DOCK7: variants seen among roughly 807,000 people sequenced by gnomAD.
The protein encoded by DOCK7 is dedicator of cytokinesis protein 7.
Under a neutral mutation model 271.0 loss-of-function variants are expected in DOCK7, and 138 were observed. That is an observed-to-expected ratio of 0.51 (90% confidence interval 0.44 to 0.59). The LOEUF is 0.59. Among genes scored for constraint, DOCK7 ranks in the 20% least tolerant of loss-of-function variants. The pLI is 0.00. For missense variants in DOCK7, 2,066 were observed against 2,592.4 expected (o/e 0.80, Z 4.41); for synonymous variants, 823 against 876.1 (o/e 0.94, Z 1.07).
intron 18 of DOCK7, among the ~76,000 whole-genome samples, chr1:62,563,863 CAAAAAAAAAAAAAAAAAAAAAA>C (rs71045848): frequency 7.0e-4 from 27 of 38,838 alleles, no homozygotes; most frequent in African/African-American, 2.7e-3. Context: ...ATTTACCAAG[CAAAAAAAAAAAAAAAAAAAAAA>C]AAAAAAAAAA....
At chr1:62,613,010 A>G (rs1651985158) in intron 14 of DOCK7, among the ~76,000 whole-genome samples, 2 of 152,228 alleles carry the variant, frequency 1.3e-5, no homozygotes. Flanking sequence ...TGCTCAATTA[A>G]TGTACCTTGA....
At chr1:62,553,138 A>C (rs898569922) in intron 21 of DOCK7, among the ~76,000 whole-genome samples, 1 of 143,668 alleles carries the variant, frequency 7.0e-6, no homozygotes, top group African/African-American at 2.6e-5. Flanking sequence ...GGGTTCAAGC[A>C]ATTCTCCTGC....
chr1:62,601,291 T>C (rs1650082084), intron 14 of DOCK7: 2 of 887,292 alleles, frequency 2.3e-6, no homozygotes, highest in African/African-American at 1.7e-5. Flanking sequence ...TTAAGAGATA[T>C]CCATCAAATA....
chr1:62,532,161 A>C (rs1305948409), intron 29 of DOCK7, among the ~76,000 whole-genome samples: 1 of 152,106 alleles, frequency 6.6e-6, no homozygotes, highest in East Asian at 1.9e-4. Context: ...CAGCCTCCCG[A>C]GTAGCTGGGA....
chr1:62,688,331 G>T lies in DOCK7; in HGVS notation c.-67C>A. On this transcript the variant is annotated 5_prime_UTR_variant, in exon 1 of 50. Coordinates refer to ENST00000635253, the MANE Select transcript of DOCK7 (RefSeq NM_001367561.1). ...GCCGGGTGCGGACCGGCGGGCGCGT[G>T]CCTCCTCGCTCGTGCTCCCTCCCTC... 2 of 1,076,726 alleles carry T rather than the reference G, an allele frequency of 1.9e-6. No homozygotes were observed. The highest frequency in any genetic ancestry group is 2.3e-6 in the Non-Finnish European group (2 of 860,814). The allele number at this position is 1,076,726 out of a possible 1,614,324, so 66.7% of individuals were successfully genotyped here.
chr1:62,571,968 AG>A (rs1464985572), intron 18 of DOCK7, among the ~76,000 whole-genome samples: 2 of 152,156 alleles, frequency 1.3e-5, no homozygotes, highest in African/African-American at 4.8e-5. Context: ...CTTAATACTT[AG>A]GTGATGGGTT....
chr1:62,594,965 T>C (rs1466848429), intron 14 of DOCK7, among the ~76,000 whole-genome samples: 1 of 152,210 alleles, frequency 6.6e-6, no homozygotes, highest in African/African-American at 2.4e-5. Flanking sequence ...ACTGTAACTT[T>C]TCTATTTAAA....
intron 18 of DOCK7, among the ~76,000 whole-genome samples, chr1:62,563,462 T>C (rs1357188670): frequency 6.6e-6 from 1 of 152,066 alleles, no homozygotes; most frequent in South Asian, 2.1e-4. Context: ...GCAGGTATCA[T>C]TAAAAATGTT....
At chr1:62,534,835 G>A (rs1364281542) in intron 29 of DOCK7, among the ~76,000 whole-genome samples, 2 of 152,092 alleles carry the variant, frequency 1.3e-5, no homozygotes, top group African/African-American at 4.8e-5. Flanking sequence ...GCTCACACCT[G>A]TAATCCCAGC....
chr1:62,625,155 G>C, intron 12 of DOCK7, 104 bp downstream of exon 12: 2 of 1,001,530 alleles, frequency 2.0e-6, no homozygotes, highest in Non-Finnish European at 2.8e-6. Context: ...TAAGTTTCTT[G>C]GAATCACCCT....
intron 49 of DOCK7, 96 bp downstream of exon 49, chr1:62,457,442 G>A: frequency 7.9e-7 from 1 of 1,266,312 alleles, no homozygotes; most frequent in Non-Finnish European, 1.1e-6. Flanking sequence ...AAGCTTTTCG[G>A]ATGACAGATG....
intron 10 of DOCK7, among the ~76,000 whole-genome samples, chr1:62,632,648 C>A (rs1023371567): frequency 2.6e-5 from 4 of 152,128 alleles, no homozygotes; most frequent in Admixed American, 1.3e-4. Flanking sequence ...TATCAATTAT[C>A]CAACTTTTTT....
chr1:62,558,005 T>C (rs1344334513), intron 20 of DOCK7, among the ~76,000 whole-genome samples: 2 of 152,106 alleles, frequency 1.3e-5, no homozygotes, highest in African/African-American at 2.4e-5. Flanking sequence ...CTAGTCAAAC[T>C]TGGTCATGTT....
At chr1:62,662,446 C>A (rs1270594865) in intron 2 of DOCK7, among the ~76,000 whole-genome samples, 2 of 152,116 alleles carry the variant, frequency 1.3e-5, no homozygotes, top group African/African-American at 4.8e-5. Context: ...TAAATTTTCA[C>A]ATAATGAATC....
chr1:62,534,921 T>C (rs1052846776), intron 29 of DOCK7, among the ~76,000 whole-genome samples: 3 of 152,112 alleles, frequency 2.0e-5, no homozygotes, highest in Admixed American at 2.0e-4. Flanking sequence ...TGAAACCCCA[T>C]CTCTACTACA....
intron 20 of DOCK7, among the ~76,000 whole-genome samples, chr1:62,558,122 T>C (rs879375390): frequency 6.6e-6 from 1 of 152,170 alleles, no homozygotes; most frequent in Non-Finnish European, 1.5e-5. Flanking sequence ...ACTCTCCATA[T>C]TACCTCTAAT....
Position 62,535,591 on chromosome 1 carries a change from T to G in DOCK7, c.3513A>C (p.Ala1171=). 6.2e-7 allele frequency: 1 copy of G among 1,614,014 alleles called. No homozygotes were observed. The highest frequency in any genetic ancestry group is 8.5e-7 in the Non-Finnish European group (1 of 1,179,954). The change falls in exon 29 of 50, where the codon GCA becomes GCC. Residue 1171 remains alanine, a synonymous_variant. Transcript: ENST00000635253. ...AAGGCACGGATAATTCAAACATATT[T>G]GCAATCTTTTGGTCTTGTACATTCG... The part of the protein sequence containing the change: ...FSTNVQDQKI[A]NMFELSVPFR...
At chr1:62,641,548 G>A in intron 7 of DOCK7, 1 of 466,622 alleles carries the variant, frequency 2.1e-6, no homozygotes, top group South Asian at 1.5e-5. Flanking sequence ...TCATCTACTT[G>A]CAGAGGAAGG....
chr1:62,648,188 T>C lies in DOCK7; in HGVS notation c.650A>G (p.Glu217Gly). 6.2e-7 allele frequency: 1 copy of C among 1,613,718 alleles called. No homozygotes were observed. The highest frequency in any genetic ancestry group is 1.1e-5 in the South Asian group (1 of 91,062). Reference protein sequence around the residue: ...LPNLLDRTPNEEIDRQNDDQR... With the variant: ...LPNLLDRTPNGEIDRQNDDQR... ...GTCATCATTCTGACGGTCTATTTCT[T>C]CATTTGGAGTTCGATCAAGTAAATT... is the stretch of plus-strand genomic sequence containing the variant. Residue 217 changes from glutamate (E) to glycine (G), a missense_variant, in exon 6 of 50, where the codon GAA becomes GGA. Physicochemically the swap from Glu to Gly is moderately conservative, Grantham distance 98. Coordinates refer to ENST00000635253, the MANE Select transcript of DOCK7 (RefSeq NM_001367561.1).
Sources: allele counts gnomAD v4.1 joint callset (sites outside exome capture counted in the v4.1 genomes callset), GRCh38; gene constraint gnomAD v4.1.1; transcripts MANE v1.5; gene names NCBI Gene and HGNC (gene_info 2026-07-23, HGNC 2026-07-21).